Variants in WNT4 observed in about 807,000 individuals in gnomAD.
The protein encoded by WNT4 is Wnt family member 4, also known as protein Wnt-4.
A neutral mutation model predicts 34.5 loss-of-function variants in WNT4; 16 were observed. The ratio of observed to expected loss-of-function variants is 0.46; its 90% CI spans 0.31 to 0.70. WNT4 has a LOEUF of 0.70. Among genes scored for constraint, WNT4 ranks in the 30% least tolerant of loss-of-function variants. The pLI, the probability that WNT4 is intolerant of heterozygous loss-of-function variation, is 0.04. For missense variants in WNT4, 379 were observed against 495.9 expected, an observed-to-expected ratio of 0.76 and a Z score of 2.24; for synonymous variants, 200 against 211.9, an observed-to-expected ratio of 0.94 and a Z score of 0.49.
chr1:22,130,646 T>G (rs1483448343), intron 1 of WNT4, among the ~76,000 whole-genome samples: 1 of 152,248 alleles, frequency 6.6e-6, no homozygotes, highest in Non-Finnish European at 1.5e-5. Context: ...GGAAGGTAAC[T>G]GCTCTTTGGG....
chr1:22,128,885 A>G (rs987052664), intron 2 of WNT4, among the ~76,000 whole-genome samples: 3 of 151,692 alleles, frequency 2.0e-5, no homozygotes, highest in African/African-American at 7.3e-5. Flanking sequence ...ACGCCCGGCT[A>G]ATTTTTTTGT....
At chr1:22,141,621 C>A (rs973811050) in intron 1 of WNT4, among the ~76,000 whole-genome samples, 1 of 152,098 alleles carries the variant, frequency 6.6e-6, no homozygotes, top group Admixed American at 6.5e-5. Flanking sequence ...CGTTTGCTCT[C>A]GGAACAGCTG....
rs756175771 is a variant in WNT4 at position 22,129,785 on chromosome 1, G to T, written c.144C>A (p.Gly48=). ...SEEETCEKLK[G]LIQRQVQMCK... Reference sequence around the variant, plus strand: ...ACATCTGCACCTGCCTCTGGATCAGGCCCTTGAGTTTCTCGCACGTCTCCT... The same window carrying T: ...ACATCTGCACCTGCCTCTGGATCAGTCCCTTGAGTTTCTCGCACGTCTCCT... The change falls in exon 2 of 5, where the codon GGC becomes GGA. Residue 48 remains glycine (G), a synonymous_variant. Coordinates refer to ENST00000290167, the MANE Select transcript of WNT4 (RefSeq NM_030761.5). The T allele has an allele frequency of 3.1e-6, 5 of 1,614,058 alleles. No homozygotes were observed. The South Asian group carries it at 4.4e-5, about 14-fold the overall frequency.
chr1:22,121,195 G>T lies in WNT4; in HGVS notation c.588+16C>A, dbSNP rs764222684. ...TATCCCTACCCCGCTCTTGGTGGGG[G>T]GTAGTGCCACACTACCTTCCTGCCG... On this transcript the variant is annotated intron_variant, in intron 4 of 4. Transcript: ENST00000290167. 4 of 1,613,648 alleles carry T rather than the reference G, an allele frequency of 2.5e-6. No homozygotes were observed. In the African/African-American group the frequency reaches 4.0e-5, roughly 16 times the overall value.
chr1:22,131,776 AC>A (rs1645985521), intron 1 of WNT4, among the ~76,000 whole-genome samples: 1 of 151,640 alleles, frequency 6.6e-6, no homozygotes, highest in Non-Finnish European at 1.5e-5. Context: ...AAGAAGGCCA[AC>A]CTCCCCTCCC....
At chr1:22,126,678 T>A (rs568901148) in intron 2 of WNT4, among the ~76,000 whole-genome samples, 1 of 152,256 alleles carries the variant, frequency 6.6e-6, no homozygotes, top group Admixed American at 6.5e-5. Flanking sequence ...GCCGCTCATG[T>A]ATGCAGGCTC....
rs1646044637 is a variant in WNT4 at position 22,139,033 on chromosome 1, G to A, written c.77+3813C>T. Among the ~76,000 whole-genome samples, 1 of 152,194 alleles carries A rather than the reference G, an allele frequency of 6.6e-6. No homozygotes were observed. Among genetic ancestry groups the A allele is most frequent in the South Asian group, 2.1e-4 (1 of 4,828 alleles). On this transcript the variant is annotated intron_variant, in intron 1 of 4. Transcript: ENST00000290167. The surrounding 1 kb of genome is among the most constrained non-coding windows in gnomAD (Gnocchi z 4.6). ...TCTGCCTGGCAAGATTGGCTTGTGA[G>A]CCAGGCTAGGTCTTCCTGACTCTGG...
chr1:22,127,330 A>T (rs1419854222), intron 2 of WNT4: 1 of 531,384 alleles, frequency 1.9e-6, no homozygotes, highest in African/African-American at 1.9e-5. Context: ...AAAGGTAAGG[A>T]GGGCTTCTCA....
Position 22,119,884 on chromosome 1 carries a change from T to C in WNT4, c.*166A>G. 1.2e-6 allele frequency: 1 copy of C among 850,080 alleles called. No homozygotes were observed. Among genetic ancestry groups the C allele is most frequent in the South Asian group, 1.7e-5 (1 of 58,612 alleles). 52.7% of individuals were successfully genotyped at this position (850,080 alleles called of 1,614,324 possible). A position where few individuals can be genotyped will look rare whatever the true frequency, so the allele number is the denominator to read the frequency against. On this transcript the variant is annotated 3_prime_UTR_variant, in exon 5 of 5. Transcript: ENST00000290167. The stretch of plus-strand genomic sequence containing the variant: ...TTGGGGAGGCCCTGGTTGGTGCCCT[T>C]GGGGTTGCCTGCCTGGTTTCGGCAA...
Position 22,142,709 on chromosome 1 carries a change from G to T in WNT4, c.77+137C>A. On this transcript the variant is annotated intron_variant, in intron 1 of 4. Transcript: ENST00000290167. The surrounding 1 kb of genome is among the most constrained non-coding windows in gnomAD (Gnocchi z 6.0). ...CGGGCCGTGGCGGCGGCAGCGGAGC[G>T]AGCGAGCCTCCGGTCCCGCGGCCGA... 1 of 530,328 alleles carries T rather than the reference G, an allele frequency of 1.9e-6. No homozygotes were observed. Among genetic ancestry groups the T allele is most frequent in the South Asian group, 8.0e-5 (1 of 12,538 alleles). The allele number at this position is 530,328 out of a possible 1,614,324, so 32.9% of individuals were successfully genotyped here. A position where few individuals can be genotyped will look rare whatever the true frequency, so the allele number is the denominator to read the frequency against.
chr1:22,131,516 G>A (rs1038739719), intron 1 of WNT4, among the ~76,000 whole-genome samples: 1 of 152,152 alleles, frequency 6.6e-6, no homozygotes, highest in Non-Finnish European at 1.5e-5. Flanking sequence ...ACTCAGGGAT[G>A]CCACTGTCCT....
Position 22,120,328 on chromosome 1 carries a change from C to A in WNT4, c.778G>T (p.Ala260Ser), listed in dbSNP as rs771435726. 6.2e-7 allele frequency: 1 copy of A among 1,614,108 alleles called. No homozygotes were observed. Among genetic ancestry groups the A allele is most frequent in the African/African-American group, 1.3e-5 (1 of 74,958 alleles). ...TCATCTGTGTGCGGCTTGAACTGTG[C>A]GTTGCGTGGCACCAGTGCCCTGGAG... is the stretch of plus-strand genomic sequence containing the variant. ...GSSRALVPRNAQFKPHTDEDL... is the reference protein window; with the variant it reads ...GSSRALVPRNSQFKPHTDEDL... The change falls in exon 5 of 5, where the codon GCA (alanine) becomes TCA (serine). Residue 260 changes from alanine (A) to serine (S), a missense_variant. By Grantham distance (99) the Ala-to-Ser change is moderately conservative. Transcript: ENST00000290167.
At position 22,120,491 on chromosome 1, in the gene WNT4, T is replaced by A; in HGVS notation, c.615A>T (p.Glu205Asp). 1.9e-6 allele frequency: 3 copies of A among 1,613,192 alleles called. No individual in the cohort carries two copies. The highest frequency in any genetic ancestry group is 2.5e-6 in the Non-Finnish European group (3 of 1,179,882). The change falls in exon 5 of 5, where the codon GAA (glutamate) becomes GAT (aspartate). Residue 205 changes from glutamate (E) to aspartate (D), a missense_variant. Around this residue, in one of 2 missense-constraint regions of WNT4, gnomAD observed 313 missense variants for 445.8 expected, o/e 0.70. Transcript: ENST00000290167. ...RKAILTHMRV[E>D]CKCHGVSGSC... is the part of the protein sequence containing the mutation. The stretch of plus-strand genomic sequence containing the variant: ...AGCCTGACACCCCGTGGCACTTGCA[T>A]TCCACCCGCATGTGTGTCAGGATGG...
chr1:22,138,837 C>T (rs563935375), intron 1 of WNT4, among the ~76,000 whole-genome samples: 1 of 152,300 alleles, frequency 6.6e-6, no homozygotes, highest in Admixed American at 6.5e-5. Context: ...TGTTGGGCTT[C>T]ACTCCACCCA....
At position 22,123,088 on chromosome 1, in the gene WNT4, G is replaced by A. The variant is rs139568059; in HGVS notation, c.314-1512C>T. Among the ~76,000 whole-genome samples the A allele has an allele frequency of 1.1e-4, 17 of 152,266 alleles. No homozygotes were observed. The East Asian group carries it at 2.7e-3, about 24-fold the overall frequency. ...ATGCTGTGGCCGCCCAAAGAGAGACGACTTCAGTTTCTGGTATTTCTGGTA... is the reference window on the plus strand; with the variant it reads ...ATGCTGTGGCCGCCCAAAGAGAGACAACTTCAGTTTCTGGTATTTCTGGTA... On this transcript the variant is annotated intron_variant, in intron 2 of 4. Coordinates refer to ENST00000290167, the MANE Select transcript of WNT4 (RefSeq NM_030761.5).
intron 1 of WNT4, among the ~76,000 whole-genome samples, chr1:22,138,911 G>A (rs1335937236): frequency 1.3e-5 from 2 of 152,194 alleles, no homozygotes; most frequent in South Asian, 2.1e-4. Context: ...GAGCTTGGCC[G>A]GAAGTCGCAC....
In WNT4 at chr1:22,139,452, T is replaced by C. The variant is rs75676035; in HGVS notation, c.77+3394A>G. On this transcript the variant is annotated intron_variant, in intron 1 of 4. Coordinates refer to ENST00000290167, the MANE Select transcript of WNT4 (RefSeq NM_030761.5). The surrounding 1 kb of genome is among the most constrained non-coding windows in gnomAD (Gnocchi z 4.6). ...CTCAGCTGGGCAGGGCAGAGCTCGG[T>C]TGGATCTCAAAGACCCACTTCTTGG... 6.4e-3 allele frequency among the ~76,000 whole-genome samples: 968 copies of C among 152,232 alleles called. 8 individuals carry two copies. The highest frequency in any genetic ancestry group is 0.011 in the Non-Finnish European group (761 of 68,006).
rs921091586 is a variant in WNT4, at chr1:22,134,851, G to GT, written c.78-5001dup. ...CTGACTTCTGCTCATTTGTGTGTGT[G>GT]TTTTTTTGCTTGGGTCTCTTGGCCC... On this transcript the variant is annotated intron_variant, in intron 1 of 4. Transcript: ENST00000290167. The surrounding 1 kb of genome is among the most constrained non-coding windows in gnomAD (Gnocchi z 4.1). 1.4e-4 allele frequency among the ~76,000 whole-genome samples: 22 copies of GT among 152,182 alleles called. No homozygotes were observed. The highest frequency in any genetic ancestry group is 4.6e-4 in the African/African-American group (19 of 41,504).
At chr1:22,130,861 T>G (rs1167500778) in intron 1 of WNT4, among the ~76,000 whole-genome samples, 1 of 152,252 alleles carries the variant, frequency 6.6e-6, no homozygotes, top group Non-Finnish European at 1.5e-5. Context: ...GTCCTACTTA[T>G]GGGAATTCTT....
Sources: gnomAD v4.1 joint callset for allele counts (sites outside exome capture counted in the v4.1 genomes callset) on GRCh38, gnomAD v4.1.1 for gene constraint, gnomAD v4.1.1 regional missense constraint, Gnocchi (gnomAD v3.1) non-coding constraint, MANE v1.5 for transcripts, NCBI Gene and HGNC (gene_info 2026-07-23, HGNC 2026-07-21) for gene names.